The following TMEM116 variants were observed in gnomAD, a reference collection of about 807,000 sequenced individuals.
The protein encoded by TMEM116 is transmembrane protein 116.
A neutral mutation model predicts 44.3 loss-of-function variants in TMEM116; 38 were observed. The observed-to-expected ratio is 0.86, with a 90% confidence interval of 0.66 to 1.12. The LOEUF (loss-of-function observed/expected upper bound fraction) is 1.12, where lower values mean the gene tolerates loss of function less well. Ranked by LOEUF, TMEM116 falls within the 50% of genes most tolerant of loss-of-function variation. The pLI is 0.00. For synonymous variants in TMEM116, 132 were observed against 144.8 expected, an observed-to-expected ratio of 0.91 and a Z score of 0.64; for missense variants, 354 against 401.7, an observed-to-expected ratio of 0.88 and a Z score of 1.01.
At chr12:111,953,792 T>A (rs1168234856) in intron 4 of TMEM116, among the ~76,000 whole-genome samples, 5 of 152,308 alleles carry the variant, frequency 3.3e-5, no homozygotes, top group African/African-American at 1.2e-4. Flanking sequence ...ATTCTATTTC[T>A]TTTAGAGAGT....
At chr12:111,967,499 G>T (rs1236016564) in intron 4 of TMEM116, among the ~76,000 whole-genome samples, 1 of 151,674 alleles carries the variant, frequency 6.6e-6, no homozygotes, top group African/African-American at 2.4e-5. Flanking sequence ...TTTTTCTAAA[G>T]AATAATTTAG....
intron 4 of TMEM116, among the ~76,000 whole-genome samples, chr12:111,968,171 G>A (rs535739807): frequency 6.6e-6 from 1 of 152,288 alleles, no homozygotes; most frequent in East Asian, 1.9e-4. Flanking sequence ...TCTCAAAGCT[G>A]AAGAAAGAAC....
At chr12:111,948,320 A>G (rs1219071713) in intron 4 of TMEM116, among the ~76,000 whole-genome samples, 2 of 152,230 alleles carry the variant, frequency 1.3e-5, no homozygotes, top group African/African-American at 2.4e-5. Context: ...AGATGAGAAG[A>G]CAGAATCACA....
At chr12:111,996,267 T>C (rs1363605052) in intron 3 of TMEM116, among the ~76,000 whole-genome samples, 2 of 150,736 alleles carry the variant, frequency 1.3e-5, no homozygotes, top group Non-Finnish European at 3.0e-5. Flanking sequence ...ATAAAGAAAG[T>C]AAAAAGACAT....
chr12:111,932,187 T>A (rs2071709152), intron 10 of TMEM116, among the ~76,000 whole-genome samples: 1 of 152,134 alleles, frequency 6.6e-6, no homozygotes, highest in South Asian at 2.1e-4. Flanking sequence ...AGAGAGATGA[T>A]CATTCCATCC....
intron 4 of TMEM116, among the ~76,000 whole-genome samples, chr12:111,951,544 T>C (rs1190545352): frequency 1.3e-5 from 2 of 152,136 alleles, no homozygotes; most frequent in Non-Finnish European, 2.9e-5. Flanking sequence ...GTGGCCATGA[T>C]CCTTAGCAAA....
chr12:111,976,508 A>G (rs1319234402), intron 4 of TMEM116, among the ~76,000 whole-genome samples: 1 of 152,154 alleles, frequency 6.6e-6, no homozygotes, highest in Non-Finnish European at 1.5e-5. Flanking sequence ...AAAACAAAAC[A>G]TAAAACCTTA....
intron 4 of TMEM116, among the ~76,000 whole-genome samples, chr12:111,974,467 T>C (rs1454259707): frequency 6.6e-6 from 1 of 152,000 alleles, no homozygotes; most frequent in Non-Finnish European, 1.5e-5. Context: ...CTGGCCAACA[T>C]GGTAAAACCC....
At chr12:111,959,674 C>CA (rs1245549557) in intron 4 of TMEM116, among the ~76,000 whole-genome samples, 4 of 150,878 alleles carry the variant, frequency 2.7e-5, no homozygotes, top group Non-Finnish European at 5.9e-5. Flanking sequence ...AATGCAAAGC[C>CA]AAAAAAAATA....
chr12:111,955,721 G>A (rs1443045653), intron 4 of TMEM116, among the ~76,000 whole-genome samples: 2 of 152,164 alleles, frequency 1.3e-5, no homozygotes, highest in South Asian at 2.1e-4. Flanking sequence ...ACAGCAGACC[G>A]CATATAAGAC....
intron 1 of TMEM116, chr12:112,012,771 T>C (rs1025850895): frequency 1.3e-5 from 2 of 152,416 alleles, no homozygotes; most frequent in Admixed American, 1.3e-4. Context: ...ATGATTAGAA[T>C]TGCGTCTGGG....
chr12:111,969,608 C>T (rs978097721), intron 4 of TMEM116, among the ~76,000 whole-genome samples: 5 of 151,964 alleles, frequency 3.3e-5, no homozygotes, highest in African/African-American at 7.2e-5. Flanking sequence ...AATGGAGTCT[C>T]GCTCTTTCGC....
chr12:112,009,765 G>GCA (rs2077752948), intron 1 of TMEM116, among the ~76,000 whole-genome samples: 1 of 151,154 alleles, frequency 6.6e-6, no homozygotes, highest in African/African-American at 2.4e-5. Context: ...AAAATCACTT[G>GCA]AACGCAGGAG....
chr12:111,942,009 G>T (rs1271666532), intron 5 of TMEM116, among the ~76,000 whole-genome samples: 1 of 151,348 alleles, frequency 6.6e-6, no homozygotes, highest in Non-Finnish European at 1.5e-5. Flanking sequence ...TGCAATCTTG[G>T]CTCACCGCAA....
At chr12:111,997,267 G>T (rs1286523979) in intron 3 of TMEM116, among the ~76,000 whole-genome samples, 1 of 152,066 alleles carries the variant, frequency 6.6e-6, no homozygotes, top group African/African-American at 2.4e-5. Context: ...AAATTTTAAA[G>T]TCCTGGCCAA....
intron 6 of TMEM116, chr12:111,937,933 A>G (rs1043736885): frequency 2.1e-5 from 7 of 335,700 alleles, no homozygotes; most frequent in Non-Finnish European, 3.9e-5. Flanking sequence ...AGTTACATAG[A>G]GTTGATGGTA....
chr12:111,931,858 T>C, intron 10 of TMEM116, 31 bp from the exon 11 acceptor site: 1 of 1,453,348 alleles, frequency 6.9e-7, no homozygotes, highest in Non-Finnish European at 9.2e-7. Context: ...ATGCAGCCCA[T>C]GCTTCAGGTT....
intron 4 of TMEM116, among the ~76,000 whole-genome samples, chr12:111,981,485 C>T (rs543228824): frequency 8.5e-5 from 13 of 152,284 alleles, no homozygotes; most frequent in South Asian, 6.2e-4. Flanking sequence ...ATTGCAGCTA[C>T]GTGTTTTGGT....
chr12:111,940,530 T>TATATATATACACACATATATATGTGC (rs2072691837), intron 5 of TMEM116, among the ~76,000 whole-genome samples: 1 of 113,328 alleles, frequency 8.8e-6, no homozygotes, highest in African/African-American at 4.6e-5. Context: ...TGTGTATATA[T>TATATATATACACACATATATATGTGC]ATATATATAT....
Sources: allele counts gnomAD v4.1 joint callset (sites outside exome capture counted in the v4.1 genomes callset), GRCh38; gene constraint gnomAD v4.1.1; transcripts MANE v1.5; gene names NCBI Gene and HGNC (gene_info 2026-07-23, HGNC 2026-07-21).